Variants in OCA2 observed in about 807,000 individuals in gnomAD.
The protein encoded by OCA2 is OCA2 melanosomal transmembrane protein.
OCA2 carries 77 observed loss-of-function variants against 100.2 expected under a neutral mutation model. That is an observed-to-expected ratio of 0.77 (90% CI 0.64 to 0.93). The LOEUF (loss-of-function observed/expected upper bound fraction) is 0.93. Ranked by LOEUF, OCA2 falls within the 40% of genes least tolerant of loss-of-function variation. The pLI is 0.00. For missense variants in OCA2, 1,062 were observed against 1,089.1 expected, an observed-to-expected ratio of 0.98 and a Z score of 0.35; for synonymous variants, 432 against 439.2, an observed-to-expected ratio of 0.98 and a Z score of 0.21.
intron 19 of OCA2, among the ~76,000 whole-genome samples, chr15:27,922,106 G>T (rs190303841): frequency 3.5e-4 from 54 of 152,328 alleles, no homozygotes; most frequent in African/African-American, 1.2e-3. Context: ...TGAATCATCT[G>T]TCAGAAATAG....
intron 9 of OCA2, among the ~76,000 whole-genome samples, chr15:28,013,306 G>A (rs966044456): frequency 1.3e-5 from 2 of 152,138 alleles, no homozygotes; most frequent in African/African-American, 4.8e-5. Context: ...AATAGGATTT[G>A]TCAACTAGAT....
chr15:27,737,019 A>T, the OCA2 span, among the ~76,000 whole-genome samples: 1 of 151,498 alleles, frequency 6.6e-6, no homozygotes, highest in Non-Finnish European at 1.5e-5. Flanking sequence ...GGGCCAACAC[A>T]TACAAAAAAA....
intron 19 of OCA2, among the ~76,000 whole-genome samples, chr15:27,888,455 C>T (rs1052329720): frequency 6.6e-6 from 1 of 152,074 alleles, no homozygotes; most frequent in Admixed American, 6.5e-5. Context: ...AGGACAAACA[C>T]CTGATGCCAA....
At chr15:28,074,402 C>T (rs1210802077) in intron 2 of OCA2, among the ~76,000 whole-genome samples, 4 of 151,734 alleles carry the variant, frequency 2.6e-5, no homozygotes, top group Non-Finnish European at 4.4e-5. Context: ...TGGCCGGGCG[C>T]GGTGGCTCAC....
intron 23 of OCA2, among the ~76,000 whole-genome samples, chr15:27,796,102 C>G (rs1306277673): frequency 6.6e-6 from 1 of 152,236 alleles, no homozygotes; most frequent in Non-Finnish European, 1.5e-5. Flanking sequence ...CAGCCATCCA[C>G]GGTTCTAGCA....
intron 19 of OCA2, among the ~76,000 whole-genome samples, chr15:27,877,839 A>G (rs760229506): frequency 2.6e-5 from 4 of 151,884 alleles, no homozygotes; most frequent in African/African-American, 9.7e-5. Flanking sequence ...CAGTTAACAC[A>G]ATTATTGATA....
intron 19 of OCA2, among the ~76,000 whole-genome samples, chr15:27,892,539 CAT>C (rs35370838): frequency 0.42 from 64,130 of 151,640 alleles, 15,436 homozygotes; most frequent in African/African-American, 0.64. Flanking sequence ...CACATAGAAA[CAT>C]ATAGGGTGCA....
the OCA2 span, among the ~76,000 whole-genome samples, chr15:27,731,578 A>T: frequency 3.9e-5 from 6 of 152,316 alleles, no homozygotes; most frequent in African/African-American, 1.4e-4. Context: ...GGTGAACTAC[A>T]TCTTTCTTTG....
chr15:27,875,014 G>T (rs1024304290), intron 19 of OCA2, among the ~76,000 whole-genome samples: 1 of 152,068 alleles, frequency 6.6e-6, no homozygotes, highest in African/African-American at 2.4e-5. Context: ...CAAAAGCTAA[G>T]TATCCATCTT....
intron 2 of OCA2, among the ~76,000 whole-genome samples, chr15:28,046,505 C>T (rs1157208287): frequency 2.6e-5 from 4 of 152,126 alleles, no homozygotes; most frequent in East Asian, 1.9e-4. Flanking sequence ...AAAGGGAGGA[C>T]TGAAGAAATA....
intron 9 of OCA2, among the ~76,000 whole-genome samples, chr15:28,010,894 AAAT>A (rs1221340491): frequency 2.6e-5 from 4 of 152,212 alleles, no homozygotes; most frequent in African/African-American, 9.7e-5. Flanking sequence ...TTGGGAAAAA[AAAT>A]AATAAGTGTG....
chr15:28,026,306 G>T (rs7165982), intron 4 of OCA2, among the ~76,000 whole-genome samples: 99 of 152,258 alleles, frequency 6.5e-4, no homozygotes, highest in African/African-American at 2.2e-3. Flanking sequence ...CATGTTGTGG[G>T]ACAGCTGAGG....
intron 19 of OCA2, among the ~76,000 whole-genome samples, chr15:27,909,659 AG>A (rs906374812): frequency 2.0e-5 from 3 of 152,220 alleles, no homozygotes; most frequent in African/African-American, 7.2e-5. Context: ...ACAAGTGTCC[AG>A]TTTAATAAAT....
At chr15:28,061,514 T>C (rs190484410) in intron 2 of OCA2, among the ~76,000 whole-genome samples, 1 of 152,088 alleles carries the variant, frequency 6.6e-6, no homozygotes, top group Non-Finnish European at 1.5e-5. Flanking sequence ...TGCAAAGACA[T>C]GTATGGTCCA....
At chr15:27,855,150 A>G (rs2035904524) in intron 21 of OCA2, among the ~76,000 whole-genome samples, 1 of 152,190 alleles carries the variant, frequency 6.6e-6, no homozygotes, top group African/African-American at 2.4e-5. Context: ...TAAACTCCAG[A>G]GCCCAAGGGT....
At chr15:27,726,545 G>C in the OCA2 span, among the ~76,000 whole-genome samples, 1 of 152,150 alleles carries the variant, frequency 6.6e-6, no homozygotes, top group East Asian at 1.9e-4. Flanking sequence ...TGGAGATAGA[G>C]AGAATCTTCT....
At chr15:27,991,496 T>C (rs2041553566) in intron 9 of OCA2, among the ~76,000 whole-genome samples, 1 of 152,154 alleles carries the variant, frequency 6.6e-6, no homozygotes, top group South Asian at 2.1e-4. Flanking sequence ...GGTCGGTCCA[T>C]CTATATGAAC....
At chr15:27,757,347 C>A (rs1369245684) in intron 23 of OCA2, among the ~76,000 whole-genome samples, 1 of 152,222 alleles carries the variant, frequency 6.6e-6, no homozygotes, top group East Asian at 1.9e-4. Flanking sequence ...CTGCTGTATG[C>A]TAAGGGCCTC....
At chr15:27,802,694 A>T (rs2033663766) in intron 23 of OCA2, among the ~76,000 whole-genome samples, 2 of 152,188 alleles carry the variant, frequency 1.3e-5, no homozygotes, top group Non-Finnish European at 2.9e-5. Context: ...CTTCTGGAAC[A>T]ACTGGACACC....
Sources: allele counts gnomAD v4.1 joint callset (sites outside exome capture counted in the v4.1 genomes callset), GRCh38; gene constraint gnomAD v4.1.1; transcripts MANE v1.5; gene names NCBI Gene and HGNC (gene_info 2026-07-23, HGNC 2026-07-21).